PRELID2: variants seen among roughly 807,000 people sequenced by gnomAD.
The protein encoded by PRELID2 is PRELI domain containing 2.
In PRELID2, 25 loss-of-function variants were observed where a neutral mutation model predicts 28.4. That is an observed-to-expected ratio of 0.88 (90% CI 0.64 to 1.23). The LOEUF (loss-of-function observed/expected upper bound fraction) is 1.23. Ranked by LOEUF, PRELID2 falls within the 50% of genes most tolerant of loss-of-function variation. The pLI, the probability that PRELID2 is intolerant of heterozygous loss-of-function variation, is 0.00. For synonymous variants in PRELID2, 76 were observed against 71.6 expected (o/e 1.06, Z -0.31); for missense variants, 201 against 214.4 (o/e 0.94, Z 0.39).
chr5:145,528,250 C>T (rs1424908746), intron 1 of PRELID2, among the ~76,000 whole-genome samples: 1 of 152,118 alleles, frequency 6.6e-6, no homozygotes, highest in African/African-American at 2.4e-5. Context: ...ATATGCTGCT[C>T]CACTAGATTT....
At chr5:145,454,249 T>C in the PRELID2 span, among the ~76,000 whole-genome samples, 1 of 152,310 alleles carries the variant, frequency 6.6e-6, no homozygotes, top group African/African-American at 2.4e-5. Context: ...CTAAAAATTC[T>C]CAATAAATTA....
chr5:145,351,938 C>T, the PRELID2 span, among the ~76,000 whole-genome samples: 1 of 152,170 alleles, frequency 6.6e-6, no homozygotes, highest in Admixed American at 6.5e-5. Flanking sequence ...GTCTCACATC[C>T]AGGTCATGCT....
intron 1 of PRELID2, among the ~76,000 whole-genome samples, chr5:145,518,140 TAATA>T (rs1752533502): frequency 1.1e-4 from 3 of 27,648 alleles, no homozygotes; most frequent in African/African-American, 6.6e-4. Context: ...TGAAGTATAA[TAATA>T]ATAATAATAA....
At chr5:145,592,838 G>A (rs1753251776) in intron 1 of PRELID2, among the ~76,000 whole-genome samples, 2 of 152,148 alleles carry the variant, frequency 1.3e-5, no homozygotes, top group African/African-American at 4.8e-5. Context: ...AGCTAACTAT[G>A]TAATGACAGA....
chr5:145,820,744 C>A (rs1449514415), intron 2 of PRELID2, among the ~76,000 whole-genome samples: 1 of 152,116 alleles, frequency 6.6e-6, no homozygotes, highest in African/African-American at 2.4e-5. Context: ...GGGACCAAGA[C>A]AAGTTTTAGA....
At chr5:145,474,702 CG>C (rs1263997044) in intron 1 of PRELID2, among the ~76,000 whole-genome samples, 1 of 152,066 alleles carries the variant, frequency 6.6e-6, no homozygotes, top group Non-Finnish European at 1.5e-5. Flanking sequence ...TATAGTTATT[CG>C]GGGGGTCAGT....
intron 1 of PRELID2, among the ~76,000 whole-genome samples, chr5:145,653,391 CA>C (rs1440545850): frequency 3.3e-5 from 5 of 152,062 alleles, no homozygotes; most frequent in African/African-American, 9.7e-5. Flanking sequence ...AGCTCTGCAC[CA>C]GTGGACCTAA....
rs1011648776 is a variant in PRELID2 at position 145,499,589 on chromosome 5, G to A, written n.71-26274C>T. 7.2e-5 allele frequency among the ~76,000 whole-genome samples: 11 copies of A among 152,292 alleles called. No homozygotes were observed. The East Asian group carries it at 2.1e-3, about 29-fold the overall frequency. On this transcript the variant is annotated intron_variant and non_coding_transcript_variant, in intron 1 of 2. Coordinates refer to the PRELID2 transcript ENST00000510259. ...AGGCATCTATGCCAGAGAAGCCGAA[G>A]GAGAGAGGTTTCATTAGCATTTCCT...
chr5:145,738,073 G>A (rs1384559293), intron 1 of PRELID2, among the ~76,000 whole-genome samples: 1 of 152,154 alleles, frequency 6.6e-6, no homozygotes, highest in Non-Finnish European at 1.5e-5. Flanking sequence ...GTGGAGTCTA[G>A]TGGGAAACCA....
At chr5:145,342,466 C>T in the PRELID2 span, among the ~76,000 whole-genome samples, 1 of 152,106 alleles carries the variant, frequency 6.6e-6, no homozygotes, top group South Asian at 2.1e-4. Flanking sequence ...AAAAATGTAA[C>T]AAAACACAGT....
intron 1 of PRELID2, among the ~76,000 whole-genome samples, chr5:145,503,605 G>A (rs1013861481): frequency 2.0e-5 from 3 of 152,124 alleles, no homozygotes; most frequent in Non-Finnish European, 2.9e-5. Context: ...GAGGCTTGAC[G>A]AAGATAAAAG....
intron 4 of PRELID2, among the ~76,000 whole-genome samples, chr5:145,815,135 A>G (rs750786045): frequency 3.3e-5 from 5 of 152,174 alleles, no homozygotes; most frequent in Non-Finnish European, 5.9e-5. Context: ...GTGTCCTTAT[A>G]AAAAGAAACC....
intron 4 of PRELID2, among the ~76,000 whole-genome samples, chr5:145,804,054 C>A (rs1753331231): frequency 6.6e-6 from 1 of 152,134 alleles, no homozygotes; most frequent in African/African-American, 2.4e-5. Context: ...TTCTTCTAAC[C>A]CATCCCAGAA....
the PRELID2 span, among the ~76,000 whole-genome samples, chr5:145,344,928 G>T: frequency 3.1e-3 from 465 of 152,054 alleles, 1 homozygote; most frequent in African/African-American, 0.011. Context: ...TGATAATGAG[G>T]ATTTACCTGT....
the PRELID2 span, among the ~76,000 whole-genome samples, chr5:145,311,168 C>T: frequency 2.0e-5 from 3 of 152,120 alleles, no homozygotes; most frequent in Admixed American, 1.3e-4. Flanking sequence ...CTCTGCTCCC[C>T]GTGGTCACTC....
chr5:145,277,749 G>A, the PRELID2 span, among the ~76,000 whole-genome samples: 2 of 152,114 alleles, frequency 1.3e-5, no homozygotes, highest in African/African-American at 4.8e-5. Flanking sequence ...GGGGCAGTCA[G>A]CATCCAAAAA....
the PRELID2 span, among the ~76,000 whole-genome samples, chr5:145,260,118 C>A: frequency 7.2e-5 from 11 of 152,266 alleles, no homozygotes; most frequent in African/African-American, 2.6e-4. Context: ...ATGCTTGCTA[C>A]CCCTTTGTCT....
chr5:145,728,965 C>T (rs1756255370), intron 1 of PRELID2: 2 of 772,388 alleles, frequency 2.6e-6, no homozygotes, highest in Non-Finnish European at 4.8e-6. Context: ...GCACAAAGAC[C>T]TTTAGACACA....
chr5:145,816,332 T>C (rs947477058), intron 4 of PRELID2, among the ~76,000 whole-genome samples: 1 of 152,050 alleles, frequency 6.6e-6, no homozygotes, highest in Non-Finnish European at 1.5e-5. Flanking sequence ...TCACCCCGCC[T>C]TGGCCTCCCA....
Sources: allele counts gnomAD v4.1 joint callset (sites outside exome capture counted in the v4.1 genomes callset), GRCh38; gene constraint gnomAD v4.1.1; transcripts MANE v1.5; gene names NCBI Gene and HGNC (gene_info 2026-07-23, HGNC 2026-07-21).